Variants in TLN2 observed in about 807,000 individuals in gnomAD.
TLN2 encodes the protein talin 2.
In TLN2, 118 loss-of-function variants were observed where a neutral mutation model predicts 294.7. The observed-to-expected ratio is 0.40, with a 90% CI of 0.34 to 0.47. TLN2 has a LOEUF of 0.47. Among genes scored for constraint, TLN2 ranks in the 20% least tolerant of loss-of-function variants. TLN2 has a pLI of 0.84. For synonymous variants in TLN2, 1,431 were observed against 1,304.5 expected, an observed-to-expected ratio of 1.10 and a Z score of -2.09; for missense variants, 3,083 against 3,282.2, an observed-to-expected ratio of 0.94 and a Z score of 1.48.
chr15:62,672,549 C>A (rs1433370324), intron 9 of TLN2, among the ~76,000 whole-genome samples: 1 of 152,140 alleles, frequency 6.6e-6, no homozygotes, highest in Non-Finnish European at 1.5e-5. Context: ...TTATTTTGTT[C>A]TCTCTTTTTC....
At chr15:62,781,064 T>C in intron 43 of TLN2, 76 bp from the exon 44 acceptor site, 1 of 1,136,884 alleles carries the variant, frequency 8.8e-7, no homozygotes, top group South Asian at 1.3e-5. Flanking sequence ...TTTTCAAAGT[T>C]CCTAATTCTC....
intron 1 of TLN2, among the ~76,000 whole-genome samples, chr15:62,462,637 T>C (rs1304644855): frequency 6.6e-6 from 1 of 152,036 alleles, no homozygotes; most frequent in Non-Finnish European, 1.5e-5. Context: ...ACAAGTGAGG[T>C]AGTGCTATAG....
intron 1 of TLN2, among the ~76,000 whole-genome samples, chr15:62,411,613 G>C (rs1423815641): frequency 6.6e-6 from 1 of 152,166 alleles, no homozygotes; most frequent in East Asian, 1.9e-4. Context: ...TGAGGTTGAG[G>C]TTGGAGCAGA....
chr15:62,827,587 G>GGA (rs1251262100), intron 54 of TLN2: 1 of 152,206 alleles, frequency 6.6e-6, no homozygotes, highest in Non-Finnish European at 1.5e-5. Flanking sequence ...TGCTGAGAGA[G>GGA]GAGCTGGTGC....
chr15:62,758,371 G>A (rs1271049062), intron 37 of TLN2, among the ~76,000 whole-genome samples: 1 of 152,224 alleles, frequency 6.6e-6, no homozygotes, highest in Non-Finnish European at 1.5e-5. Context: ...CACAGCGGCT[G>A]TCTCTCCGAG....
Position 62,692,940 on chromosome 15 carries a change from A to C in TLN2, c.1214A>C (p.Lys405Thr). ...IAGYIDIILK[K>T]KQSKDRFGLE... is the part of the protein sequence containing the mutation. ...GGCTACATTGACATCATCCTGAAAA[A>C]GGTATTTTGTATTGATGCAAATTGG... is the stretch of plus-strand genomic sequence containing the variant. The change falls in exon 13 of 59, where the codon AAG becomes ACG. Residue 405 changes from lysine to threonine, a missense_variant and splice_region_variant. Coordinates refer to ENST00000636159, the MANE Select transcript of TLN2 (RefSeq NM_015059.3). 6.2e-7 allele frequency: 1 copy of C among 1,610,012 alleles called. No individual in the cohort carries two copies. Among genetic ancestry groups the C allele is most frequent in the South Asian group, 1.1e-5 (1 of 90,050 alleles).
intron 1 of TLN2, among the ~76,000 whole-genome samples, chr15:62,529,988 T>TC (rs1263079404): frequency 6.6e-6 from 1 of 152,148 alleles, no homozygotes; most frequent in African/African-American, 2.4e-5. Context: ...GGTCAGGAGT[T>TC]CGAGACCAGC....
intron 2 of TLN2, among the ~76,000 whole-genome samples, chr15:62,604,499 T>G: frequency 7.5e-6 from 1 of 132,782 alleles, no homozygotes; most frequent in African/African-American, 2.8e-5. Flanking sequence ...CACTCCAGCC[T>G]GGGTGACAAA....
chr15:62,829,173 T>TATATATATAATACATATTA (rs1472594167), intron 54 of TLN2: 2 of 104,516 alleles, frequency 1.9e-5, no homozygotes, highest in Admixed American at 2.1e-4. Context: ...ATATATTATA[T>TATATATATAATACATATTA]TATATATATA....
intron 1 of TLN2, among the ~76,000 whole-genome samples, chr15:62,401,916 ACTTT>A (rs1224147825): frequency 1.3e-5 from 2 of 152,144 alleles, no homozygotes; most frequent in African/African-American, 4.8e-5. Context: ...TTTTGGCACA[ACTTT>A]GGAGGAAGAA....
At chr15:62,482,562 A>G (rs2038160274) in intron 1 of TLN2, among the ~76,000 whole-genome samples, 1 of 146,462 alleles carries the variant, frequency 6.8e-6, no homozygotes, top group Non-Finnish European at 1.5e-5. Context: ...AGATCGTGCC[A>G]TCGCACTCCA....
At chr15:62,752,207 T>A (rs1201771958) in intron 34 of TLN2, 98 bp from the exon 35 acceptor site, 1 of 1,458,024 alleles carries the variant, frequency 6.9e-7, no homozygotes. Flanking sequence ...TGTTCCAAAT[T>A]AAGTTGCCTT....
At chr15:62,591,917 G>T (rs1179887769) in intron 2 of TLN2, among the ~76,000 whole-genome samples, 1 of 152,122 alleles carries the variant, frequency 6.6e-6, no homozygotes, top group Non-Finnish European at 1.5e-5. Context: ...CCCCCAGAGG[G>T]TGCTGAGTGG....
intron 50 of TLN2, among the ~76,000 whole-genome samples, chr15:62,803,918 G>T (rs1418904001): frequency 1.3e-5 from 2 of 152,162 alleles, no homozygotes; most frequent in Non-Finnish European, 2.9e-5. Flanking sequence ...GCTTGTTTGT[G>T]CCTGTCTTTC....
At chr15:62,709,006 G>C (rs1595741044) in intron 21 of TLN2, among the ~76,000 whole-genome samples, 1 of 152,232 alleles carries the variant, frequency 6.6e-6, no homozygotes, top group Non-Finnish European at 1.5e-5. Context: ...CTGGGTTTTT[G>C]TTATAATGGT....
chr15:62,415,763 C>T (rs2034043250), intron 1 of TLN2, among the ~76,000 whole-genome samples: 1 of 152,136 alleles, frequency 6.6e-6, no homozygotes, highest in African/African-American at 2.4e-5. Context: ...AATTTGTGGT[C>T]TTTGCAGTGT....
At chr15:62,492,004 C>T (rs2437131) in intron 1 of TLN2, among the ~76,000 whole-genome samples, 23,723 of 152,052 alleles carry the variant, frequency 0.16, 2,560 homozygotes, top group East Asian at 0.55. Context: ...CTCTCAATTT[C>T]TGGTATATAC....
chr15:62,776,323 A>C (rs2063718989), intron 42 of TLN2, among the ~76,000 whole-genome samples: 2 of 152,174 alleles, frequency 1.3e-5, no homozygotes, highest in African/African-American at 4.8e-5. Context: ...AGAGGTACCT[A>C]CATTTCTGTA....
intron 1 of TLN2, among the ~76,000 whole-genome samples, chr15:62,447,153 A>ATATTTATTTATT (rs201934193): frequency 9.8e-4 from 81 of 82,532 alleles, no homozygotes; most frequent in African/African-American, 2.7e-3. Flanking sequence ...CAAGAAGCCT[A>ATATTTATTTATT]TATTTATTTA....
Sources: gnomAD v4.1 joint callset for allele counts (sites outside exome capture counted in the v4.1 genomes callset) on GRCh38, gnomAD v4.1.1 for gene constraint, MANE v1.5 for transcripts, NCBI Gene and HGNC (gene_info 2026-07-23, HGNC 2026-07-21) for gene names.